Variants in CSNK2A1 observed in about 807,000 individuals in gnomAD.
The protein encoded by CSNK2A1 is casein kinase 2 alpha 1, also known as casein kinase II subunit alpha.
CSNK2A1 carries 10 observed loss-of-function variants against 62.9 expected under a neutral mutation model. That is an observed-to-expected ratio of 0.16 (90% CI 0.10 to 0.27). The LOEUF (loss-of-function observed/expected upper bound fraction) is 0.27, where lower values mean the gene tolerates loss of function less well. Ranked by LOEUF, CSNK2A1 falls within the 10% of genes least tolerant of loss-of-function variation. CSNK2A1 has a pLI of 1.00. For missense variants in CSNK2A1, 160 were observed against 492.0 expected (o/e 0.33, Z 6.38); for synonymous variants, 124 against 167.8 (o/e 0.74, Z 2.02).
chr20:520,668 T>G (rs1490209508), intron 2 of CSNK2A1, among the ~76,000 whole-genome samples: 1 of 152,118 alleles, frequency 6.6e-6, no homozygotes. Context: ...CCCTGCTAAT[T>G]TTTGTATTTT....
At chr20:539,705 A>C (rs1484905961) in intron 1 of CSNK2A1, 5 of 152,152 alleles carry the variant, frequency 3.3e-5, no homozygotes, top group Non-Finnish European at 7.3e-5. Flanking sequence ...CCAAGGATTC[A>C]TCTCTCTCTC....
At position 499,364 on chromosome 20, in the gene CSNK2A1, G is replaced by T; in HGVS notation, c.316-59C>A. The T allele has an allele frequency of 6.5e-7, 1 of 1,533,456 alleles. No homozygotes were observed. The highest frequency in any genetic ancestry group is 8.9e-7 in the Non-Finnish European group (1 of 1,123,126). 95.0% of individuals were successfully genotyped at this position (1,533,456 alleles called of 1,614,324 possible). A position where few individuals can be genotyped will look rare whatever the true frequency, so the allele number is the denominator to read the frequency against. On this transcript the variant is annotated intron_variant, in intron 5 of 13. Transcript: ENST00000217244. This position sits in a 1 kb window ranked among gnomAD's most constrained non-coding sequence, Gnocchi z 4.2. ...TAGCAATAGCCCTGACAGCTTTAAT[G>T]GGGACAATGTTTGCGGATGCTGCGT...
rs1031274263 is a variant in CSNK2A1, at chr20:499,452, G to A, written c.316-147C>T. The A allele has an allele frequency of 9.4e-6, 6 of 638,494 alleles. No homozygotes were observed. Among genetic ancestry groups the A allele is most frequent in the African/African-American group, 3.7e-5 (2 of 54,368 alleles). The allele number at this position is 638,494 out of a possible 1,614,324, so 39.6% of individuals were successfully genotyped here. A position where few individuals can be genotyped will look rare whatever the true frequency, so the allele number is the denominator to read the frequency against. ...CCCTCTATTGCTACAAGCCCTCCCC[G>A]CTCTGATCATCACCGCACTTAGGTC... On this transcript the variant is annotated intron_variant, in intron 5 of 13. Transcript: ENST00000217244. The surrounding 1 kb of genome is among the most constrained non-coding windows in gnomAD (Gnocchi z 4.2).
intron 9 of CSNK2A1, 102 bp from the exon 10 acceptor site, chr20:489,983 A>G: frequency 1.1e-6 from 1 of 908,002 alleles, no homozygotes; most frequent in Non-Finnish European, 1.6e-6. Flanking sequence ...CACTCCACTG[A>G]CTCAAAATCA....
At chr20:517,894 C>T (rs902055224) in intron 2 of CSNK2A1, among the ~76,000 whole-genome samples, 4 of 152,104 alleles carry the variant, frequency 2.6e-5, no homozygotes, top group Non-Finnish European at 5.9e-5. Flanking sequence ...TTAGTTTACT[C>T]GACTGTTACC....
rs1276927515 is a variant in CSNK2A1, at chr20:474,269, C to T, written c.*9692G>A. The stretch of plus-strand genomic sequence containing the variant: ...AGGACTCGCTGTGTTACCCAGGCCT[C>T]AAGTGATCATCGGGCCTTGGCCTCC... On this transcript the variant is annotated 3_prime_UTR_variant, in exon 14 of 14. Coordinates refer to ENST00000217244, the MANE Select transcript of CSNK2A1 (RefSeq NM_177559.3). 6.6e-6 allele frequency: 1 copy of T among 152,180 alleles called. No homozygotes were observed. Among genetic ancestry groups the T allele is most frequent in the African/African-American group, 2.4e-5 (1 of 41,432 alleles). 9.4% of individuals were successfully genotyped at this position (152,180 alleles called of 1,614,324 possible). A position where few individuals can be genotyped will look rare whatever the true frequency, so the allele number is the denominator to read the frequency against.
intron 1 of CSNK2A1, among the ~76,000 whole-genome samples, chr20:540,224 T>C (rs2019420601): frequency 6.6e-6 from 1 of 152,248 alleles, no homozygotes; most frequent in Non-Finnish European, 1.5e-5. Flanking sequence ...ACTGTTTATG[T>C]TGGCATAAAA....
chr20:476,413 C>T lies in CSNK2A1; in HGVS notation c.*7548G>A, dbSNP rs2122469454. The T allele has an allele frequency of 6.6e-6, 1 of 152,376 alleles. No individual in the cohort carries two copies. Among genetic ancestry groups the T allele is most frequent in the South Asian group, 2.1e-4 (1 of 4,828 alleles). The allele number at this position is 152,376 out of a possible 1,614,324, so 9.4% of individuals were successfully genotyped here. A position where few individuals can be genotyped will look rare whatever the true frequency, so the allele number is the denominator to read the frequency against. On this transcript the variant is annotated 3_prime_UTR_variant, in exon 14 of 14. Transcript: ENST00000217244. ...AGCTGGGACTGCAGGCACACGTCAC[C>T]AAGCCCAGCTAATTTTTGTATTTTT... is the stretch of plus-strand genomic sequence containing the variant.
At chr20:503,775 G>A in intron 4 of CSNK2A1, 1 of 398,076 alleles carries the variant, frequency 2.5e-6, no homozygotes, top group East Asian at 3.6e-5. Context: ...GCAGCAACAG[G>A]TCTACATAAC....
chr20:484,526 C>T (rs930951994), intron 13 of CSNK2A1, among the ~76,000 whole-genome samples: 15 of 152,216 alleles, frequency 9.9e-5, no homozygotes, highest in Admixed American at 7.9e-4. Context: ...CTGAACAGCA[C>T]ATGACTGCAG....
At chr20:513,881 C>T (rs2018774666) in intron 2 of CSNK2A1, among the ~76,000 whole-genome samples, 1 of 152,192 alleles carries the variant, frequency 6.6e-6, no homozygotes. Context: ...AGGTGCTTCA[C>T]CTTACTGTCA....
intron 1 of CSNK2A1, among the ~76,000 whole-genome samples, chr20:538,192 C>T (rs917155708): frequency 1.3e-5 from 2 of 152,092 alleles, no homozygotes; most frequent in Non-Finnish European, 2.9e-5. Context: ...AGTCATCTGC[C>T]CACCTCGGCC....
chr20:538,551 T>C (rs958591789), intron 1 of CSNK2A1, among the ~76,000 whole-genome samples: 1 of 152,224 alleles, frequency 6.6e-6, no homozygotes, highest in Non-Finnish European at 1.5e-5. Flanking sequence ...ATTAATAGGA[T>C]ACTTTAAAGA....
rs1319134970 is a variant in CSNK2A1, at chr20:520,691, G to T, written c.-110+7242C>A. Among the ~76,000 whole-genome samples the T allele has an allele frequency of 2.0e-5, 3 of 152,058 alleles. No individual in the cohort carries two copies. The East Asian group carries it at 5.8e-4, about 29-fold the overall frequency. On this transcript the variant is annotated intron_variant, in intron 2 of 13. Transcript: ENST00000217244. Reference sequence around the variant, plus strand: ...ATTTTTGTATTTTTAGTAGAGACAGGGTTTCACCATATTGCCTAGGCTGGT... The same window carrying T: ...ATTTTTGTATTTTTAGTAGAGACAGTGTTTCACCATATTGCCTAGGCTGGT...
At chr20:490,340 T>TTTTTTTTTTC (rs2018196974) in intron 9 of CSNK2A1, among the ~76,000 whole-genome samples, 1 of 136,366 alleles carries the variant, frequency 7.3e-6, no homozygotes, top group African/African-American at 3.4e-5. Flanking sequence ...TTTTTCTTTT[T>TTTTTTTTTTC]TTTTTTTTTT....
intron 2 of CSNK2A1, among the ~76,000 whole-genome samples, chr20:515,974 A>G (rs1268494733): frequency 6.6e-6 from 1 of 152,190 alleles, no homozygotes; most frequent in Non-Finnish European, 1.5e-5. Flanking sequence ...TCACAGGACT[A>G]CAACTAGGAT....
intron 1 of CSNK2A1, among the ~76,000 whole-genome samples, chr20:540,623 T>C (rs2019430577): frequency 6.6e-6 from 1 of 152,134 alleles, no homozygotes; most frequent in Non-Finnish European, 1.5e-5. Flanking sequence ...CAGCCTTGAC[T>C]TCCTGGGCTC....
intron 4 of CSNK2A1, 55 bp downstream of exon 4, chr20:505,063 A>G (rs1389783383): frequency 6.8e-7 from 1 of 1,464,640 alleles, no homozygotes; most frequent in Non-Finnish European, 9.1e-7. Context: ...AGTCTTCAAA[A>G]CTACTTTTAA....
intron 4 of CSNK2A1, chr20:502,399 A>G (rs986319738): frequency 1.3e-5 from 2 of 151,514 alleles, no homozygotes; most frequent in Admixed American, 1.3e-4. Flanking sequence ...TTTTTAGTGG[A>G]AAAAAAAAGC....
Sources: gnomAD v4.1 joint callset for allele counts (sites outside exome capture counted in the v4.1 genomes callset) on GRCh38, gnomAD v4.1.1 for gene constraint, Gnocchi (gnomAD v3.1) non-coding constraint, MANE v1.5 for transcripts, NCBI Gene and HGNC (gene_info 2026-07-23, HGNC 2026-07-21) for gene names.